Variants in NFXL1 observed in about 807,000 individuals in gnomAD.
The protein encoded by NFXL1 is NF-X1-type zinc finger protein NFXL1.
Under a neutral mutation model 123.3 loss-of-function variants are expected in NFXL1, and 66 were observed. The observed-to-expected ratio is 0.54, with a 90% confidence interval of 0.44 to 0.66. The LOEUF is 0.66. Among genes scored for constraint, NFXL1 ranks in the 30% least tolerant of loss-of-function variants. The pLI, the probability that NFXL1 is intolerant of heterozygous loss-of-function variation, is 0.00. For synonymous variants in NFXL1, 346 were observed against 360.8 expected (o/e 0.96, Z 0.46); for missense variants, 944 against 1,125.6 (o/e 0.84, Z 2.31).
At chr4:47,861,874 T>A (rs188621947) in intron 19 of NFXL1, among the ~76,000 whole-genome samples, 3 of 152,354 alleles carry the variant, frequency 2.0e-5, no homozygotes, top group East Asian at 1.9e-4. Context: ...ATGTATTGAT[T>A]CCTGTTTTAT....
chr4:47,901,908 G>A (rs778156175), intron 5 of NFXL1, among the ~76,000 whole-genome samples: 2 of 152,174 alleles, frequency 1.3e-5, no homozygotes, highest in Non-Finnish European at 2.9e-5. Context: ...CTGGCCAGAC[G>A]CAGTGGCTCA....
intron 3 of NFXL1, among the ~76,000 whole-genome samples, chr4:47,907,583 T>C (rs1009022810): frequency 6.6e-6 from 1 of 152,246 alleles, no homozygotes; most frequent in South Asian, 2.1e-4. Context: ...ATCCCATTAC[T>C]CTGGAATGTA....
chr4:47,880,720 G>A (rs537404519), intron 15 of NFXL1, among the ~76,000 whole-genome samples: 6 of 146,030 alleles, frequency 4.1e-5, no homozygotes, highest in Admixed American at 6.9e-5. Flanking sequence ...ATTGTGATCC[G>A]TAATCAGCGA....
At chr4:47,848,418 G>A (rs1240644526) in intron 22 of NFXL1, 82 bp from the exon 23 acceptor site, 10 of 1,107,876 alleles carry the variant, frequency 9.0e-6, no homozygotes, top group African/African-American at 1.6e-5. Flanking sequence ...AATCAATTTG[G>A]GTAATGTTTT....
chr4:47,900,212 T>G (rs1405942196), intron 5 of NFXL1, among the ~76,000 whole-genome samples: 2 of 150,962 alleles, frequency 1.3e-5, no homozygotes, highest in African/African-American at 2.4e-5. Flanking sequence ...ATATAATTCT[T>G]TTTTTTTTCT....
intron 13 of NFXL1, 28 bp from the exon 14 acceptor site, chr4:47,885,685 A>G (rs775733965): frequency 1.3e-6 from 2 of 1,592,438 alleles, no homozygotes; most frequent in East Asian, 4.5e-5. Flanking sequence ...ATTTTCAAAA[A>G]TTACTTTTAG....
chr4:47,892,148 A>T (rs1736811808), intron 11 of NFXL1, among the ~76,000 whole-genome samples: 1 of 152,238 alleles, frequency 6.6e-6, no homozygotes, highest in Non-Finnish European at 1.5e-5. Flanking sequence ...ACCACATAAA[A>T]GATATGAAGC....
At chr4:47,869,192 T>G (rs1260076822) in intron 18 of NFXL1, among the ~76,000 whole-genome samples, 1 of 152,142 alleles carries the variant, frequency 6.6e-6, no homozygotes, top group African/African-American at 2.4e-5. Context: ...ACCACTGTAC[T>G]TCAGCTTGGC....
chr4:47,903,167 T>C, intron 5 of NFXL1, 26 bp downstream of exon 5: 4 of 1,519,876 alleles, frequency 2.6e-6, no homozygotes, highest in Non-Finnish European at 3.6e-6. Flanking sequence ...ATAATAATAA[T>C]AATCCAACTA....
chr4:47,911,005 GAA>G lies in NFXL1; in HGVS notation c.236-13_236-12del. 6.6e-7 allele frequency: 1 copy of G among 1,506,796 alleles called. No individual in the cohort carries two copies. The highest frequency in any genetic ancestry group is 8.9e-7 in the Non-Finnish European group (1 of 1,120,514). The allele number at this position is 1,506,796 out of a possible 1,614,324, so 93.3% of individuals were successfully genotyped here. On this transcript the variant is annotated splice_polypyrimidine_tract_variant and intron_variant, in intron 2 of 22. Transcript: ENST00000507489. Reference sequence around the variant, plus strand: ...TCTGAGACATTAGCTCTGTTTAAAAGAAAAAAGTTTCATTTCTGCAAAACAAT... The same window carrying G: ...TCTGAGACATTAGCTCTGTTTAAAAGAAAAGTTTCATTTCTGCAAAACAAT...
intron 8 of NFXL1, among the ~76,000 whole-genome samples, chr4:47,898,370 G>A (rs1444936030): frequency 6.6e-6 from 1 of 152,088 alleles, no homozygotes; most frequent in Non-Finnish European, 1.5e-5. Context: ...GGAGTTCTAA[G>A]TGGCATTAAA....
rs755588139 is a variant in NFXL1 at position 47,910,840 on chromosome 4, T to C, written c.390A>G (p.Thr130=). Residue 130 remains threonine (T), a synonymous_variant, in exon 3 of 23, where the codon ACA becomes ACG. Transcript: ENST00000507489. ...QGKILANTFI[T]YTTQTDGDTR... ...GATCAGTACCTGTCTGAGTAGTGTA[T>C]GTTATAAACGTATTTGCAAGTATTT... 4 of 1,587,960 alleles carry C rather than the reference T, an allele frequency of 2.5e-6. No individual in the cohort carries two copies. In the Admixed American group the frequency reaches 5.5e-5, roughly 22 times the overall value.
chr4:47,905,449 T>C, intron 3 of NFXL1, 103 bp from the exon 4 acceptor site: 1 of 556,882 alleles, frequency 1.8e-6, no homozygotes, highest in Non-Finnish European at 3.3e-6. Context: ...GCAATATCAA[T>C]TGCTCAAAAT....
chr4:47,894,029 T>A (rs1736931262), intron 11 of NFXL1, 151 bp downstream of exon 11: 3 of 460,256 alleles, frequency 6.5e-6, no homozygotes, highest in Non-Finnish European at 1.1e-5. Flanking sequence ...TTACCTAGAT[T>A]AAGCTTAATC....
rs759458065 is a variant in NFXL1 at position 47,886,017 on chromosome 4, CAATT to C, written c.1544-22_1544-19del. On this transcript the variant is annotated intron_variant, in intron 12 of 22. Coordinates refer to ENST00000507489, the MANE Select transcript of NFXL1 (RefSeq NM_001278624.2). ...GCAACTGCCTGAAAAAAAAGTCTGA[CAATT>C]AAAAAGTTTCCTTAACTACCCAAAT... is the stretch of plus-strand genomic sequence containing the variant. 1 of 1,605,232 alleles carries C rather than the reference CAATT, an allele frequency of 6.2e-7. No homozygotes were observed. Among genetic ancestry groups the C allele is most frequent in the Non-Finnish European group, 8.5e-7 (1 of 1,177,078 alleles).
intron 3 of NFXL1, among the ~76,000 whole-genome samples, chr4:47,909,835 A>G (rs1244516006): frequency 6.6e-6 from 1 of 151,672 alleles, no homozygotes; most frequent in Non-Finnish European, 1.5e-5. Context: ...ATTTTTTTGT[A>G]TTTTTAGTAG....
intron 19 of NFXL1, among the ~76,000 whole-genome samples, chr4:47,859,240 A>G (rs564343204): frequency 6.6e-6 from 1 of 152,324 alleles, no homozygotes; most frequent in East Asian, 1.9e-4. Flanking sequence ...TCTGCATCAA[A>G]ACGTTCCACT....
intron 2 of NFXL1, among the ~76,000 whole-genome samples, chr4:47,913,717 T>G (rs374540440): frequency 6.6e-6 from 1 of 152,112 alleles, no homozygotes; most frequent in African/African-American, 2.4e-5. Context: ...GTCTGGAGAT[T>G]CAAGTAGGCA....
At chr4:47,911,760 A>G (rs1737838216) in intron 2 of NFXL1, among the ~76,000 whole-genome samples, 1 of 152,204 alleles carries the variant, frequency 6.6e-6, no homozygotes, top group South Asian at 2.1e-4. Context: ...AAACAAAACC[A>G]GATTACTTCA....
Sources: allele counts gnomAD v4.1 joint callset (sites outside exome capture counted in the v4.1 genomes callset), GRCh38; gene constraint gnomAD v4.1.1; transcripts MANE v1.5; gene names NCBI Gene and HGNC (gene_info 2026-07-23, HGNC 2026-07-21).